The following KIF1B variants were observed in gnomAD, a reference collection of about 807,000 sequenced individuals.
KIF1B encodes the protein kinesin family member 1B.
KIF1B carries 76 observed loss-of-function variants against 241.9 expected under a neutral mutation model. That is an observed-to-expected ratio of 0.31 (90% CI 0.26 to 0.38). KIF1B has a LOEUF of 0.38. KIF1B is among the 10% of genes least tolerant of loss of function. The probability of loss-of-function intolerance (pLI) is 1.00; values close to 1 mark genes in which losing one functional copy is unlikely to be tolerated. For missense variants in KIF1B, 1,622 were observed against 2,271.4 expected, an observed-to-expected ratio of 0.71 and a Z score of 5.81; for synonymous variants, 750 against 796.7, an observed-to-expected ratio of 0.94 and a Z score of 0.99.
rs532815919 is a variant in KIF1B at position 10,379,748 on chromosome 1, C to G, written c.*3161C>G. The G allele has an allele frequency of 4.3e-6, 1 of 230,814 alleles. No homozygotes were observed. Among genetic ancestry groups the G allele is most frequent in the African/African-American group, 2.2e-5 (1 of 45,306 alleles). 14.3% of individuals were successfully genotyped at this position (230,814 alleles called of 1,614,324 possible). A position where few individuals can be genotyped will look rare whatever the true frequency, so the allele number is the denominator to read the frequency against. ...CTCATCCTCCTTTCTCCCATCAAAG[C>G]AAAATATGGCCTCACCACCAGCCCC... On this transcript the variant is annotated 3_prime_UTR_variant, in exon 49 of 49. Coordinates refer to ENST00000676179, the MANE Select transcript of KIF1B (RefSeq NM_001365951.3).
Position 10,312,165 on chromosome 1 carries a change from G to T in KIF1B, c.2116-7878G>T, listed in dbSNP as rs902565419. ...TGCCTGACATCCAAATCACTGGCAG[G>T]CACCTTACATTTAAATCATTTGAAC... On this transcript the variant is annotated intron_variant, in intron 22 of 48. Transcript: ENST00000676179. 4.0e-5 allele frequency among the ~76,000 whole-genome samples: 6 copies of T among 151,396 alleles called. 1 individual carries two copies. The highest frequency in any genetic ancestry group is 1.9e-4 in the East Asian group (1 of 5,192).
chr1:10,241,277 A>T (rs1374791830), intron 2 of KIF1B, among the ~76,000 whole-genome samples: 1 of 151,062 alleles, frequency 6.6e-6, no homozygotes, highest in Non-Finnish European at 1.5e-5. Flanking sequence ...CTAATTTTTA[A>T]TTTTTTTGGA....
chr1:10,282,211 C>T (rs1021614997), intron 14 of KIF1B, 111 bp from the exon 15 acceptor site: 11 of 827,838 alleles, frequency 1.3e-5, no homozygotes, highest in African/African-American at 1.2e-4. Flanking sequence ...TTGGTCTTGG[C>T]GCTTTAATGC....
At chr1:10,368,395 TG>T in intron 43 of KIF1B, 71 bp from the exon 44 acceptor site, 1 of 1,297,332 alleles carries the variant, frequency 7.7e-7, no homozygotes, top group South Asian at 1.2e-5. Context: ...AGCCTCCACG[TG>T]GTCAGCTATC....
At chr1:10,263,065 T>G (rs1287457347) in intron 5 of KIF1B, among the ~76,000 whole-genome samples, 5 of 152,040 alleles carry the variant, frequency 3.3e-5, no homozygotes, top group African/African-American at 1.2e-4. Context: ...AATGGATCAC[T>G]TGAGGCCAGG....
chr1:10,329,239 C>T (rs1380971182), intron 27 of KIF1B, among the ~76,000 whole-genome samples: 3 of 152,122 alleles, frequency 2.0e-5, no homozygotes, highest in Non-Finnish European at 4.4e-5. Flanking sequence ...TAATAGCAAT[C>T]AGTAAAGTGA....
intron 1 of KIF1B, among the ~76,000 whole-genome samples, chr1:10,223,059 C>T (rs1255080346): frequency 6.6e-6 from 1 of 152,122 alleles, no homozygotes; most frequent in Non-Finnish European, 1.5e-5. Flanking sequence ...CAAGACCAGC[C>T]TGGCCAACAT....
At chr1:10,211,035 A>AGG (rs2102074808) in intron 1 of KIF1B, among the ~76,000 whole-genome samples, 157 bp downstream of exon 1, 1 of 151,524 alleles carries the variant, frequency 6.6e-6, no homozygotes, top group South Asian at 2.1e-4. Context: ...CCCTCGGGGG[A>AGG]GGGGACCCCT....
chr1:10,244,974 A>G (rs1161560028), intron 2 of KIF1B, among the ~76,000 whole-genome samples: 6 of 152,180 alleles, frequency 3.9e-5, no homozygotes, highest in Non-Finnish European at 5.9e-5. Flanking sequence ...TGAAGATGTC[A>G]CTGGGATTTT....
intron 7 of KIF1B, among the ~76,000 whole-genome samples, chr1:10,270,333 A>G (rs982012850): frequency 6.6e-6 from 1 of 152,178 alleles, no homozygotes; most frequent in Non-Finnish European, 1.5e-5. Flanking sequence ...AAATGGAATC[A>G]TAGAGTATGT....
intron 4 of KIF1B, among the ~76,000 whole-genome samples, chr1:10,260,198 G>A (rs925479540): frequency 3.3e-5 from 5 of 152,182 alleles, no homozygotes; most frequent in Admixed American, 2.6e-4. Context: ...GCATGCTACT[G>A]TACTGAATAC....
Position 10,291,095 on chromosome 1 carries a change from T to TC in KIF1B, c.1449dup (p.Ile484HisfsTer3). 1 of 1,613,370 alleles carries TC rather than the reference T, an allele frequency of 6.2e-7. No homozygotes were observed. Among genetic ancestry groups the TC allele is most frequent in the Non-Finnish European group, 8.5e-7 (1 of 1,179,522 alleles). ...TTCCTTCCTTAGGAATCAGAGAAGA[T>TC]CATTGCTGAGTTGAATGAAACTTGG... On this transcript the variant is annotated frameshift_variant, in exon 16 of 49. Coordinates refer to ENST00000676179, the MANE Select transcript of KIF1B (RefSeq NM_001365951.3). LOFTEE classifies it high-confidence loss of function.
chr1:10,282,158 C>G (rs1225433088), intron 14 of KIF1B, among the ~76,000 whole-genome samples, 164 bp from the exon 15 acceptor site: 4 of 152,188 alleles, frequency 2.6e-5, no homozygotes, highest in Non-Finnish European at 5.9e-5. Flanking sequence ...TTTAGAACTG[C>G]CATCTAGAAC....
In KIF1B at chr1:10,337,101, C is replaced by T. The variant is rs778237450; in HGVS notation, c.3157C>T (p.Arg1053Cys). Residue 1053 changes from arginine to cysteine, a missense_variant, in exon 30 of 49, where the codon CGT becomes TGT. Coordinates refer to ENST00000676179, the MANE Select transcript of KIF1B (RefSeq NM_001365951.3). This position sits in a 1 kb window ranked among gnomAD's most constrained non-coding sequence, Gnocchi z 4.0. ...TGACTTTTCGTCTGTTGCAATGACT[C>T]GTTCTGGTCTGTCCTTGGAGGAGTT... is the stretch of plus-strand genomic sequence containing the variant. ...QSDFSSVAMT[R>C]SGLSLEELRI... 6.8e-6 allele frequency: 11 copies of T among 1,613,964 alleles called. No homozygotes were observed. Among genetic ancestry groups the T allele is most frequent in the African/African-American group, 4.0e-5 (3 of 74,906 alleles).
intron 37 of KIF1B, among the ~76,000 whole-genome samples, chr1:10,350,887 A>G (rs983493149): frequency 2.6e-5 from 4 of 152,142 alleles, no homozygotes; most frequent in Non-Finnish European, 5.9e-5. Flanking sequence ...ACTTAAGTTC[A>G]GGAGTTTGAG....
Position 10,371,260 on chromosome 1 carries a change from GAAGT to G in KIF1B, c.4946+4_4946+7del. 6.2e-7 allele frequency: 1 copy of G among 1,614,132 alleles called. No homozygotes were observed. Among genetic ancestry groups the G allele is most frequent in the Non-Finnish European group, 8.5e-7 (1 of 1,179,994 alleles). On this transcript the variant is annotated splice_donor_variant and coding_sequence_variant, in exon 45 of 49. Transcript: ENST00000676179. LOFTEE classifies it high-confidence loss of function. ...ACTCTAGGAGCAACTCTCTGGATCA[GAAGT>G]AAGTACCCAGATTTCACTGAGAGAA...
intron 32 of KIF1B, 95 bp from the exon 33 acceptor site, chr1:10,341,951 CAAAA>C (rs33942183): frequency 4.4e-4 from 302 of 692,944 alleles, no homozygotes; most frequent in East Asian, 5.5e-4. Flanking sequence ...GACCTTGCCT[CAAAA>C]AAAAAAAAAA....
chr1:10,319,996 C>A, intron 22 of KIF1B, 47 bp from the exon 23 acceptor site: 1 of 1,277,906 alleles, frequency 7.8e-7, no homozygotes, highest in Non-Finnish European at 1.1e-6. Flanking sequence ...TCCCTGCCCT[C>A]TTATTTCTTC....
chr1:10,215,964 A>G (rs926221826), intron 1 of KIF1B, among the ~76,000 whole-genome samples: 1 of 152,222 alleles, frequency 6.6e-6, no homozygotes, highest in Non-Finnish European at 1.5e-5. Context: ...AGAAACAACA[A>G]TAGTGATAAA....
Sources: gnomAD v4.1 joint callset for allele counts (sites outside exome capture counted in the v4.1 genomes callset) on GRCh38, gnomAD v4.1.1 for gene constraint, Gnocchi (gnomAD v3.1) non-coding constraint, MANE v1.5 for transcripts, NCBI Gene and HGNC (gene_info 2026-07-23, HGNC 2026-07-21) for gene names.